Variants in PRKN observed in about 807,000 individuals in gnomAD.
PRKN encodes the protein parkin RBR E3 ubiquitin protein ligase.
A neutral mutation model predicts 59.5 loss-of-function variants in PRKN; 56 were observed. That is an observed-to-expected ratio of 0.94 (90% CI 0.76 to 1.18). The LOEUF is 1.18. PRKN is among the 50% of genes most tolerant of loss of function. The pLI is 0.00. For synonymous variants in PRKN, 250 were observed against 222.1 expected, an observed-to-expected ratio of 1.13 and a Z score of -1.12; for missense variants, 657 against 596.4, an observed-to-expected ratio of 1.10 and a Z score of -1.06.
rs1258542377 is a variant in PRKN, at chr6:161,567,042, T to TG, written c.933+2312dup. Among the ~76,000 whole-genome samples, 85 of 125,856 alleles carry TG rather than the reference T, an allele frequency of 6.8e-4. 1 individual carries two copies. The highest frequency in any genetic ancestry group is 2.5e-3 in the African/African-American group (80 of 32,626). The allele number at this position is 125,856 out of a possible 152,430, so 82.6% of individuals were successfully genotyped here. A position where few individuals can be genotyped will look rare whatever the true frequency, so the allele number is the denominator to read the frequency against. ...TCCTTGTTTTTTTTTTTTTTTTGTG[T>TG]GTGTGTGTGTGTGTGTGAGAGAGGG... On this transcript the variant is annotated intron_variant, in intron 8 of 11. Coordinates refer to ENST00000366898, the MANE Select transcript of PRKN (RefSeq NM_004562.3).
At chr6:162,430,401 T>C (rs1227374260) in intron 2 of PRKN, among the ~76,000 whole-genome samples, 1 of 152,160 alleles carries the variant, frequency 6.6e-6, no homozygotes, top group Admixed American at 6.5e-5. Context: ...TTCCAACCCA[T>C]GTGGCCCACC....
At chr6:162,117,197 TA>T (rs1200489315) in intron 4 of PRKN, among the ~76,000 whole-genome samples, 2 of 152,188 alleles carry the variant, frequency 1.3e-5, no homozygotes, top group African/African-American at 4.8e-5. Flanking sequence ...TTAAAATAGA[TA>T]ATGAAGAATG....
At chr6:161,537,683 C>T (rs143218442) in intron 9 of PRKN, among the ~76,000 whole-genome samples, 2,638 of 152,232 alleles carry the variant, frequency 0.017, 84 homozygotes, top group African/African-American at 0.061. Flanking sequence ...GATCTCCTGA[C>T]CTCGTGATCC....
intron 2 of PRKN, among the ~76,000 whole-genome samples, chr6:162,406,534 T>G (rs1788083524): frequency 6.6e-6 from 1 of 152,208 alleles, no homozygotes. Context: ...TAGCAAATAT[T>G]CTATGAAACA....
intron 6 of PRKN, among the ~76,000 whole-genome samples, chr6:161,825,176 A>T (rs1792188170): frequency 6.6e-6 from 1 of 152,154 alleles, no homozygotes; most frequent in Non-Finnish European, 1.5e-5. Flanking sequence ...CAAGAGGCAT[A>T]TGACCAAAAA....
chr6:161,375,846 C>T (rs1293953889), intron 10 of PRKN, among the ~76,000 whole-genome samples: 1 of 152,236 alleles, frequency 6.6e-6, no homozygotes, highest in Non-Finnish European at 1.5e-5. Flanking sequence ...TAATGGAGAT[C>T]TGTCGCAGCC....
chr6:162,496,456 T>G (rs948446808), intron 1 of PRKN, among the ~76,000 whole-genome samples: 2 of 152,174 alleles, frequency 1.3e-5, no homozygotes, highest in African/African-American at 4.8e-5. Context: ...GAAATGAAAC[T>G]TGGTTTACTT....
At chr6:162,721,234 C>T (rs1306125544) in intron 1 of PRKN, among the ~76,000 whole-genome samples, 2 of 152,184 alleles carry the variant, frequency 1.3e-5, no homozygotes, top group African/African-American at 4.8e-5. Context: ...CTAGTGATTT[C>T]AAGTATTCTG....
chr6:162,721,731 T>C (rs950629676), intron 1 of PRKN, among the ~76,000 whole-genome samples: 1 of 152,202 alleles, frequency 6.6e-6, no homozygotes, highest in Non-Finnish European at 1.5e-5. Context: ...TTCTAGACTA[T>C]GAACAAGGAC....
intron 1 of PRKN, among the ~76,000 whole-genome samples, chr6:162,597,284 A>G (rs1781529035): frequency 1.3e-5 from 2 of 152,204 alleles, no homozygotes; most frequent in African/African-American, 4.8e-5. Flanking sequence ...ATTTTCTCCT[A>G]GGCCAAACCT....
chr6:161,971,227 G>C (rs75453767), intron 6 of PRKN, among the ~76,000 whole-genome samples: 150 of 152,200 alleles, frequency 9.9e-4, no homozygotes, highest in African/African-American at 3.5e-3. Flanking sequence ...CATTCTCTTC[G>C]AAAGATGTTG....
chr6:162,645,166 A>G (rs1333890797), intron 1 of PRKN, among the ~76,000 whole-genome samples: 1 of 152,142 alleles, frequency 6.6e-6, no homozygotes, highest in Non-Finnish European at 1.5e-5. Context: ...CTACTATTCT[A>G]TTGAATACTG....
chr6:161,638,291 C>T (rs1437010809), intron 7 of PRKN, among the ~76,000 whole-genome samples: 2 of 151,628 alleles, frequency 1.3e-5, no homozygotes, highest in African/African-American at 4.9e-5. Flanking sequence ...TGCCACCATG[C>T]CAGGCTAAAT....
At chr6:161,825,744 T>C (rs1478730280) in intron 6 of PRKN, among the ~76,000 whole-genome samples, 1 of 152,148 alleles carries the variant, frequency 6.6e-6, no homozygotes, top group Non-Finnish European at 1.5e-5. Flanking sequence ...CCTTCATCCA[T>C]AGTAATGGGA....
At chr6:161,936,619 A>T (rs1187448460) in intron 6 of PRKN, among the ~76,000 whole-genome samples, 1 of 152,172 alleles carries the variant, frequency 6.6e-6, no homozygotes, top group Non-Finnish European at 1.5e-5. Context: ...CCAAAGCTTT[A>T]GCAGAAACAT....
chr6:161,589,398 A>G (rs916471142), intron 7 of PRKN, among the ~76,000 whole-genome samples: 1 of 152,172 alleles, frequency 6.6e-6, no homozygotes, highest in Non-Finnish European at 1.5e-5. Flanking sequence ...AGGTTCAACC[A>G]AACATCATCA....
chr6:161,437,303 C>T (rs540931490), intron 9 of PRKN, among the ~76,000 whole-genome samples: 13 of 152,060 alleles, frequency 8.5e-5, no homozygotes, highest in Non-Finnish European at 1.6e-4. Flanking sequence ...GACTTCTGGG[C>T]GCGTGGTGTC....
In PRKN at chr6:161,370,853, A is replaced by C. The variant is rs1319111868; in HGVS notation, c.1168-10648T>G. On this transcript the variant is annotated intron_variant, in intron 10 of 11. Transcript: ENST00000366898. ...TTCAGCTATGAATGCTTTCAGGTGAATGACAGCTTTTAAATGTCAGCTTTC... is the reference window on the plus strand; with the variant it reads ...TTCAGCTATGAATGCTTTCAGGTGACTGACAGCTTTTAAATGTCAGCTTTC... Among the ~76,000 whole-genome samples the C allele has an allele frequency of 2.0e-5, 3 of 152,222 alleles. No individual in the cohort carries two copies. In the East Asian group the frequency reaches 5.8e-4, roughly 29 times the overall value.
intron 1 of PRKN, among the ~76,000 whole-genome samples, chr6:162,563,269 A>C (rs1419601775): frequency 6.6e-6 from 1 of 151,802 alleles, no homozygotes; most frequent in Non-Finnish European, 1.5e-5. Flanking sequence ...GCGCCACTGC[A>C]CTCCAGCTTC....
Sources: allele counts gnomAD v4.1 joint callset (sites outside exome capture counted in the v4.1 genomes callset), GRCh38; gene constraint gnomAD v4.1.1; transcripts MANE v1.5; gene names NCBI Gene and HGNC (gene_info 2026-07-23, HGNC 2026-07-21).